GRIK5: variants seen among roughly 807,000 people sequenced by gnomAD.
GRIK5 encodes glutamate ionotropic receptor kainate type subunit 5.
In GRIK5, 43 loss-of-function variants were observed where a neutral mutation model predicts 97.4. That is an observed-to-expected ratio of 0.44 (90% CI 0.35 to 0.57). The LOEUF is 0.57. Ranked by LOEUF, GRIK5 falls within the 20% of genes least tolerant of loss-of-function variation. The pLI, the probability that GRIK5 is intolerant of heterozygous loss-of-function variation, is 0.01. For missense variants in GRIK5, 1,015 were observed against 1,382.0 expected (o/e 0.73, Z 4.21); for synonymous variants, 580 against 583.5 (o/e 0.99, Z 0.09).
intron 11 of GRIK5, among the ~76,000 whole-genome samples, chr19:42,047,277 C>T (rs1307177377): frequency 6.6e-6 from 1 of 151,862 alleles, no homozygotes; most frequent in Non-Finnish European, 1.5e-5. Flanking sequence ...TGGTGGTTCA[C>T]GCCTGTAGTC....
chr19:42,009,235 TTTTA>T (rs1295521971), intron 15 of GRIK5, among the ~76,000 whole-genome samples: 1 of 151,938 alleles, frequency 6.6e-6, no homozygotes, highest in Non-Finnish European at 1.5e-5. Context: ...TATTTTTTTA[TTTTA>T]TTTATTTATT....
At chr19:42,044,478 C>G (rs1201343802) in intron 11 of GRIK5, among the ~76,000 whole-genome samples, 1 of 152,132 alleles carries the variant, frequency 6.6e-6, no homozygotes, top group Admixed American at 6.5e-5. Flanking sequence ...CAAAGAAACA[C>G]AAAAGCAGAA....
In GRIK5 at chr19:42,065,448, G is replaced by A; in HGVS notation, c.80-61C>T. 1.3e-6 allele frequency: 2 copies of A among 1,497,552 alleles called. No individual in the cohort carries two copies. Among genetic ancestry groups the A allele is most frequent in the Non-Finnish European group, 1.8e-6 (2 of 1,111,000 alleles). 92.8% of individuals were successfully genotyped at this position (1,497,552 alleles called of 1,614,324 possible). On this transcript the variant is annotated intron_variant, in intron 2 of 19. Coordinates refer to ENST00000593562, the MANE Select transcript of GRIK5 (RefSeq NM_002088.5). This position sits in a 1 kb window ranked among gnomAD's most constrained non-coding sequence, Gnocchi z 5.8. ...AGTCCTGAGGAAGGAGGGGGCTGTG[G>A]TCTTAGACTCCAGGGCTCTAGGGTG...
intron 15 of GRIK5, among the ~76,000 whole-genome samples, chr19:42,017,740 C>T (rs185473358): frequency 7.9e-5 from 12 of 152,230 alleles, no homozygotes; most frequent in Admixed American, 2.0e-4. Context: ...CGCATGTGCG[C>T]CTGGTGCAGC....
chr19:42,013,904 C>T (rs2075595714), intron 15 of GRIK5, among the ~76,000 whole-genome samples: 3 of 151,302 alleles, frequency 2.0e-5, no homozygotes, highest in African/African-American at 7.3e-5. Flanking sequence ...CGTCGCACAC[C>T]TGTGATCCCA....
chr19:42,027,379 C>T (rs140318616), intron 12 of GRIK5, among the ~76,000 whole-genome samples: 2 of 152,270 alleles, frequency 1.3e-5, no homozygotes, highest in East Asian at 3.9e-4. Context: ...GAGTGATCAG[C>T]GGGTTCAGTC....
Position 42,062,213 on chromosome 19 carries a change from G to A in GRIK5, c.508+275C>T, listed in dbSNP as rs940904802. On this transcript the variant is annotated intron_variant, in intron 5 of 19. Transcript: ENST00000593562. The surrounding 1 kb of genome is among the most constrained non-coding windows in gnomAD (Gnocchi z 5.3). ...ATGACCAATGACCTCCACTAGAACC[G>A]GAGTTCCAAGCACCCAGGGACCACG... Among the ~76,000 whole-genome samples, 4 of 152,242 alleles carry A rather than the reference G, an allele frequency of 2.6e-5. No individual in the cohort carries two copies. The South Asian group carries it at 6.2e-4, about 24-fold the overall frequency.
chr19:42,053,904 C>G lies in GRIK5; in HGVS notation c.1082G>C (p.Arg361Pro). The G allele has an allele frequency of 6.2e-7, 1 of 1,613,736 alleles. No individual in the cohort carries two copies. The highest frequency in any genetic ancestry group is 1.7e-4 in the Middle Eastern group (1 of 6,044). Residue 361 changes from arginine (R) to proline (P), a missense_variant, in exon 10 of 20, where the codon CGG (arginine) becomes CCG (proline). Transcript: ENST00000593562. ...RMVEYDGLTG[R>P]VEFNSKGQRT... ...CTGCCCTTTGCTGTTGAACTCGACC[C>G]GCCCGGTCAGCCCATCATACTCTAC...
Position 42,065,850 on chromosome 19 carries a change from G to A in GRIK5, c.-50-30C>T. 1.7e-6 allele frequency: 2 copies of A among 1,176,902 alleles called. No individual in the cohort carries two copies. Among genetic ancestry groups the A allele is most frequent in the South Asian group, 2.6e-5 (2 of 76,124 alleles). The allele number at this position is 1,176,902 out of a possible 1,614,324, so 72.9% of individuals were successfully genotyped here. ...AGGGAGACCCCCCAGACCAAGGGGA[G>A]ATTACTATGTGGTGGGATGGAACCC... On this transcript the variant is annotated intron_variant, in intron 1 of 19. Coordinates refer to ENST00000593562, the MANE Select transcript of GRIK5 (RefSeq NM_002088.5). The surrounding 1 kb of genome is among the most constrained non-coding windows in gnomAD (Gnocchi z 5.8).
At chr19:42,023,304 G>T (rs1568896458) in intron 12 of GRIK5, among the ~76,000 whole-genome samples, 1 of 152,166 alleles carries the variant, frequency 6.6e-6, no homozygotes. Context: ...AGGCGGCAGT[G>T]TGGCAGGGGC....
rs1555870431 is a variant in GRIK5, at chr19:41,999,331, C to A, written c.2515-32G>T. On this transcript the variant is annotated intron_variant, in intron 19 of 19. Transcript: ENST00000593562. This position sits in a 1 kb window ranked among gnomAD's most constrained non-coding sequence, Gnocchi z 5.0. The stretch of plus-strand genomic sequence containing the variant: ...GTGGCGCGGGCGGTCACCGTCCCGG[C>A]GCAGTCCGCCTCCCGCCTCCCCCAG... 1 of 1,472,666 alleles carries A rather than the reference C, an allele frequency of 6.8e-7. No homozygotes were observed. The allele number at this position is 1,472,666 out of a possible 1,614,324, so 91.2% of individuals were successfully genotyped here.
chr19:42,024,338 G>A (rs1286813248), intron 12 of GRIK5, among the ~76,000 whole-genome samples: 3 of 151,262 alleles, frequency 2.0e-5, no homozygotes, highest in African/African-American at 7.3e-5. Flanking sequence ...TCAGCCTCCC[G>A]AGTAGCTGGG....
At chr19:42,059,106 C>T (rs994277273) in intron 6 of GRIK5, among the ~76,000 whole-genome samples, 2 of 152,192 alleles carry the variant, frequency 1.3e-5, no homozygotes, top group African/African-American at 4.8e-5. Flanking sequence ...CTTAGCCTCA[C>T]TCATTAACCC....
rs1458095568 is a variant in GRIK5 at position 42,063,632 on chromosome 19, G to A, written c.245-777C>T. 5 of 267,540 alleles carry A rather than the reference G, an allele frequency of 1.9e-5. No homozygotes were observed. The East Asian group carries it at 5.3e-4, about 28-fold the overall frequency. 16.6% of individuals were successfully genotyped at this position (267,540 alleles called of 1,614,324 possible). On this transcript the variant is annotated intron_variant, in intron 3 of 19. Coordinates refer to ENST00000593562, the MANE Select transcript of GRIK5 (RefSeq NM_002088.5). ...GCTAAACTGGTGAGATGTAAGCTTG[G>A]TGCTGCTGGGGCCATCTCACCACCA...
At chr19:42,068,918 G>A (rs2076382096) in intron 1 of GRIK5, 2 of 669,944 alleles carry the variant, frequency 3.0e-6, no homozygotes, top group Non-Finnish European at 5.4e-6. Context: ...GACCAGGACG[G>A]AGGCTTGGAG....
chr19:42,042,408 T>C lies in GRIK5; in HGVS notation c.1473+144A>G, dbSNP rs2075987937. On this transcript the variant is annotated intron_variant, in intron 12 of 19. Transcript: ENST00000593562. The surrounding 1 kb of genome is among the most constrained non-coding windows in gnomAD (Gnocchi z 6.9). ...GCACAGGCATACAGCGCAACATCAG[T>C]GAGGTGGTGTCAGGGGCCCTTCATG... 4.3e-6 allele frequency: 3 copies of C among 692,938 alleles called. No individual in the cohort carries two copies. The Admixed American group carries it at 7.7e-5, about 18-fold the overall frequency. 42.9% of individuals were successfully genotyped at this position (692,938 alleles called of 1,614,324 possible). A position where few individuals can be genotyped will look rare whatever the true frequency, so the allele number is the denominator to read the frequency against.
At position 42,022,204 on chromosome 19, in the gene GRIK5, C is replaced by T. The variant is rs200695296; in HGVS notation, c.1587+37G>A. 1.3e-6 allele frequency: 2 copies of T among 1,533,318 alleles called. No individual in the cohort carries two copies. The highest frequency in any genetic ancestry group is 9.0e-7 in the Non-Finnish European group (1 of 1,107,114). The allele number at this position is 1,533,318 out of a possible 1,614,324, so 95.0% of individuals were successfully genotyped here. A position where few individuals can be genotyped will look rare whatever the true frequency, so the allele number is the denominator to read the frequency against. On this transcript the variant is annotated intron_variant, in intron 13 of 19. Coordinates refer to ENST00000593562, the MANE Select transcript of GRIK5 (RefSeq NM_002088.5). The surrounding 1 kb of genome is among the most constrained non-coding windows in gnomAD (Gnocchi z 4.2). ...CACTCGCAGGCCCTGAGCCTCCATGCCAGGCAAGCAGCCCATGGTCTCCAG... is the reference window on the plus strand; with the variant it reads ...CACTCGCAGGCCCTGAGCCTCCATGTCAGGCAAGCAGCCCATGGTCTCCAG...
intron 17 of GRIK5, among the ~76,000 whole-genome samples, chr19:42,005,433 T>C (rs2075477250): frequency 6.6e-6 from 1 of 152,006 alleles, no homozygotes; most frequent in East Asian, 1.9e-4. Context: ...ACAGGGCCCT[T>C]GGGGGAAGAC....
chr19:42,045,432 G>A (rs1454074826), intron 11 of GRIK5, among the ~76,000 whole-genome samples: 1 of 152,238 alleles, frequency 6.6e-6, no homozygotes, highest in Non-Finnish European at 1.5e-5. Flanking sequence ...CTGGACACCA[G>A]CTGAATGCTG....
Sources: allele counts gnomAD v4.1 joint callset (sites outside exome capture counted in the v4.1 genomes callset), GRCh38; gene constraint gnomAD v4.1.1; non-coding constraint Gnocchi (gnomAD v3.1); transcripts MANE v1.5; gene names NCBI Gene and HGNC (gene_info 2026-07-23, HGNC 2026-07-21).